The following AMZ1 variants were observed in gnomAD, a reference collection of about 807,000 sequenced individuals.
The protein encoded by AMZ1 is archaelysin family metallopeptidase 1.
A neutral mutation model predicts 29.9 loss-of-function variants in AMZ1; 39 were observed. The ratio of observed to expected loss-of-function variants is 1.30; its 90% CI spans 1.01 to 1.70. The LOEUF (loss-of-function observed/expected upper bound fraction) is 1.70. Among genes scored for constraint, AMZ1 ranks in the 40% most tolerant of loss-of-function variants. The pLI is 0.00. For synonymous variants in AMZ1, 458 were observed against 304.0 expected (o/e 1.51, Z -5.27); for missense variants, 1,041 against 680.6 (o/e 1.53, Z -5.89).
intron 4 of AMZ1, among the ~76,000 whole-genome samples, chr7:2,753,235 A>C (rs1033209510): frequency 6.6e-6 from 1 of 151,960 alleles, no homozygotes; most frequent in African/African-American, 2.4e-5. Flanking sequence ...GCTCACTGCA[A>C]ACTCTCCTCC....
intron 3 of AMZ1, among the ~76,000 whole-genome samples, chr7:2,705,845 C>T (rs1388120586): frequency 6.6e-6 from 1 of 152,226 alleles, no homozygotes; most frequent in Non-Finnish European, 1.5e-5. Flanking sequence ...TAAAACACAG[C>T]CGGGGACCCC....
At chr7:2,687,135 T>C (rs182913398), upstream of AMZ1, among the ~76,000 whole-genome samples, 50 of 152,150 alleles carry the variant, frequency 3.3e-4, no homozygotes, top group Admixed American at 1.1e-3. Flanking sequence ...GATACCAGCC[T>C]GGCCAAGAAG....
chr7:2,722,550 C>T (rs1466996025), downstream of AMZ1, among the ~76,000 whole-genome samples: 5 of 152,286 alleles, frequency 3.3e-5, no homozygotes, highest in East Asian at 3.9e-4. Context: ...GGATTACAGG[C>T]GTGAGCCACC....
In AMZ1 at chr7:2,716,836, T is replaced by C. The variant is rs1057350791; in HGVS notation, c.*3958T>C. On this transcript the variant is annotated 3_prime_UTR_variant, in exon 7 of 7. Transcript: ENST00000683327. ...GTCTCGAAATGACCTGTAAGGCAGA[T>C]GGCTGCATCCCCACCATATGGCTGT... Among the ~76,000 whole-genome samples the C allele has an allele frequency of 5.9e-5, 9 of 152,224 alleles. No homozygotes were observed. The highest frequency in any genetic ancestry group is 1.7e-4 in the African/African-American group (7 of 41,462).
At chr7:2,755,857 C>A (rs953055497) in intron 4 of AMZ1, among the ~76,000 whole-genome samples, 1 of 152,172 alleles carries the variant, frequency 6.6e-6, no homozygotes, top group Non-Finnish European at 1.5e-5. Context: ...ATGTCATATT[C>A]ATGAAATGGA....
At position 2,700,636 on chromosome 7, in the gene AMZ1, C is replaced by T. The variant is rs142280090; in HGVS notation, c.185C>T (p.Thr62Met). Residue 62 changes from threonine to methionine, a missense_variant, in exon 2 of 7, where the codon ACG becomes ATG. Thr to Met is a moderately conservative substitution (Grantham distance 81). Coordinates refer to ENST00000683327, the MANE Select transcript of AMZ1 (RefSeq NM_001384743.1). ...RTLFCTLLIRTGFDWLLSRPE... is the reference protein window; with the variant it reads ...RTLFCTLLIRMGFDWLLSRPE... ...CTCTTCTGCACCCTGCTCATCCGCACGGGCTTCGACTGGCTCCTGAGCCGA... is the reference window on the plus strand; with the variant it reads ...CTCTTCTGCACCCTGCTCATCCGCATGGGCTTCGACTGGCTCCTGAGCCGA... 41 of 1,611,564 alleles carry T rather than the reference C, an allele frequency of 2.5e-5. No individual in the cohort carries two copies. The highest frequency in any genetic ancestry group is 6.7e-5 in the Admixed American group (4 of 60,008).
At chr7:2,689,375 G>GGT (rs1787250827) in intron 1 of AMZ1, among the ~76,000 whole-genome samples, 1 of 152,116 alleles carries the variant, frequency 6.6e-6, no homozygotes, top group South Asian at 2.1e-4. Context: ...CTCCCTGGGG[G>GGT]GGGGATGCGG....
In AMZ1 at chr7:2,709,156, A is replaced by AGGC. The variant is rs752936652; in HGVS notation, c.684_686dup (p.Ala231dup). 11 of 1,574,118 alleles carry AGGC rather than the reference A, an allele frequency of 7.0e-6. No homozygotes were observed. The South Asian group carries it at 1.3e-4, about 18-fold the overall frequency. ...AGCGCCCCTGATCTGGCCCTGGTAG[A>AGGC]GGCAGCAGCAGACGGCCCCGAGGCC... On this transcript the variant is annotated inframe_insertion, in exon 5 of 7. Coordinates refer to ENST00000683327, the MANE Select transcript of AMZ1 (RefSeq NM_001384743.1).
chr7:2,700,571 G>T lies in AMZ1; in HGVS notation c.120G>T (p.Glu40Asp). 1 of 1,610,220 alleles carries T rather than the reference G, an allele frequency of 6.2e-7. No homozygotes were observed. The change falls in exon 2 of 7, where the codon GAG becomes GAT. Residue 40 changes from glutamate to aspartate, a missense_variant. Transcript: ENST00000683327. ...ATGTGTCCGCCTTCTCCCCTGCCGA[G>T]CGGCTCTTCCTGGCCGAGGCCTACA... ...QLYVSAFSPA[E>D]RLFLAEAYNP...
chr7:2,745,721 T>A (rs1464664111), intron 4 of AMZ1, among the ~76,000 whole-genome samples: 1 of 152,180 alleles, frequency 6.6e-6, no homozygotes, highest in Non-Finnish European at 1.5e-5. Flanking sequence ...AGACACAGAC[T>A]GGCAAATTGG....
At chr7:2,734,240 G>T (rs1425420758) in intron 4 of AMZ1, among the ~76,000 whole-genome samples, 1 of 152,144 alleles carries the variant, frequency 6.6e-6, no homozygotes, top group African/African-American at 2.4e-5. Context: ...GGAGCCGGGA[G>T]AGCGCAACCA....
chr7:2,712,278 G>T, intron 6 of AMZ1, 52 bp from the exon 7 acceptor site: 10 of 1,494,482 alleles, frequency 6.7e-6, no homozygotes, highest in Non-Finnish European at 8.9e-6. Flanking sequence ...CAGTTCCCTG[G>T]CTAGACAAGG....
intron 1 of AMZ1, among the ~76,000 whole-genome samples, chr7:2,692,874 A>G (rs1300911626): frequency 1.3e-5 from 2 of 151,538 alleles, no homozygotes; most frequent in Admixed American, 1.3e-4. Context: ...CTTTCCCCCA[A>G]TTTGTTCCAG....
rs1371087214 is a variant in AMZ1, at chr7:2,715,782, G to A, written c.*2904G>A. On this transcript the variant is annotated 3_prime_UTR_variant, in exon 7 of 7. Transcript: ENST00000683327. ...CAGTCACCAGGAAAGACGCAAGGCA[G>A]AGGAGAGAGAATGAGGGCTGCCTTC... 1 of 152,208 alleles carries A rather than the reference G, an allele frequency of 6.6e-6. No homozygotes were observed. Among genetic ancestry groups the A allele is most frequent in the Non-Finnish European group, 1.5e-5 (1 of 68,044 alleles). The allele number at this position is 152,208 out of a possible 1,614,324, so 9.4% of individuals were successfully genotyped here.
chr7:2,679,608 G>C (rs1291606953), exon 1 of AMZ1: 5 of 152,326 alleles, frequency 3.3e-5, no homozygotes, highest in Non-Finnish European at 5.9e-5. Context: ...TGACAGGACC[G>C]GCAGAGGTGG....
At position 2,713,150 on chromosome 7, in the gene AMZ1, G is replaced by A; in HGVS notation, c.*272G>A. 3.1e-6 allele frequency: 1 copy of A among 319,296 alleles called. No individual in the cohort carries two copies. The highest frequency in any genetic ancestry group is 5.7e-6 in the Non-Finnish European group (1 of 176,766). The allele number at this position is 319,296 out of a possible 1,614,324, so 19.8% of individuals were successfully genotyped here. On this transcript the variant is annotated 3_prime_UTR_variant, in exon 7 of 7. Coordinates refer to ENST00000683327, the MANE Select transcript of AMZ1 (RefSeq NM_001384743.1). Reference sequence around the variant, plus strand: ...CCAGCTATTCAGGAGGCTGAGGTGGGAGGATTGCTTGAGCCTAGGAGGTCG... The same window carrying A: ...CCAGCTATTCAGGAGGCTGAGGTGGAAGGATTGCTTGAGCCTAGGAGGTCG...
In AMZ1 at chr7:2,748,314, A is replaced by G. The variant is rs1414273578; in HGVS notation, n.551-16398A>G. Among the ~76,000 whole-genome samples the G allele has an allele frequency of 2.0e-5, 3 of 152,352 alleles. No individual in the cohort carries two copies. In the East Asian group the frequency reaches 5.8e-4, roughly 29 times the overall value. ...ATGGTACTGGTACCAAAACAGACAC[A>G]TAGACCAATGGAACAGAACAGAGCC... is the stretch of plus-strand genomic sequence containing the variant. On this transcript the variant is annotated intron_variant and non_coding_transcript_variant, in intron 4 of 4. Transcript: ENST00000489665.
intron 4 of AMZ1, among the ~76,000 whole-genome samples, chr7:2,737,269 G>GTTCT (rs1790237066): frequency 2.6e-5 from 1 of 38,112 alleles, no homozygotes; most frequent in Non-Finnish European, 5.4e-5. Context: ...TCACAGTTTT[G>GTTCT]TTTTGTTTTT....
chr7:2,731,648 C>T lies in AMZ1; in HGVS notation n.550+21832C>T, dbSNP rs1368316981. Reference sequence around the variant, plus strand: ...CGCTGGGACCGCTGGCCGCCCACATCCACCATCTTAAAGGGGATCTTCTTA... The same window carrying T: ...CGCTGGGACCGCTGGCCGCCCACATTCACCATCTTAAAGGGGATCTTCTTA... On this transcript the variant is annotated intron_variant and non_coding_transcript_variant, in intron 4 of 4. Transcript: ENST00000489665. The surrounding 1 kb of genome is among the most constrained non-coding windows in gnomAD (Gnocchi z 6.0). 1 of 1,613,556 alleles carries T rather than the reference C, an allele frequency of 6.2e-7. No homozygotes were observed. The highest frequency in any genetic ancestry group is 8.5e-7 in the Non-Finnish European group (1 of 1,179,864).
Sources: gnomAD v4.1 joint callset for allele counts (sites outside exome capture counted in the v4.1 genomes callset) on GRCh38, gnomAD v4.1.1 for gene constraint, Gnocchi (gnomAD v3.1) non-coding constraint, MANE v1.5 for transcripts, NCBI Gene and HGNC (gene_info 2026-07-23, HGNC 2026-07-21) for gene names.